The following PCYOX1 variants were observed in gnomAD, a reference collection of about 807,000 sequenced individuals.
PCYOX1 encodes the protein prenylcysteine lyase.
In PCYOX1, 46 loss-of-function variants were observed where a neutral mutation model predicts 46.4. The observed-to-expected ratio is 0.99, with a 90% confidence interval of 0.78 to 1.27. PCYOX1 has a LOEUF of 1.27. PCYOX1 is among the 50% of genes most tolerant of loss of function. The pLI is 0.00. For missense variants in PCYOX1, 658 were observed against 628.3 expected (o/e 1.05, Z -0.51); for synonymous variants, 220 against 231.8 (o/e 0.95, Z 0.46).
rs1177038953 is a variant in PCYOX1 at position 70,280,485 on chromosome 2, C to T, written c.*3093C>T. 2.0e-5 allele frequency: 3 copies of T among 152,092 alleles called. No individual in the cohort carries two copies. The highest frequency in any genetic ancestry group is 2.9e-5 in the Non-Finnish European group (2 of 68,024). 9.4% of individuals were successfully genotyped at this position (152,092 alleles called of 1,614,324 possible). A position where few individuals can be genotyped will look rare whatever the true frequency, so the allele number is the denominator to read the frequency against. ...TTACCTTAAGGGCTTGTTAAAACAT[C>T]GCTAGGCTCCACCCTGTTTATTCAA... On this transcript the variant is annotated 3_prime_UTR_variant, in exon 6 of 6. Transcript: ENST00000433351.
chr2:70,280,839 C>T lies in PCYOX1; in HGVS notation c.*3447C>T, dbSNP rs906197981. On this transcript the variant is annotated 3_prime_UTR_variant, in exon 6 of 6. Transcript: ENST00000433351. ...GTTTGGTGTTTTACAAGAACTTTACCATACTGGTGTGTAGTCCATTCTGTA... is the reference window on the plus strand; with the variant it reads ...GTTTGGTGTTTTACAAGAACTTTACTATACTGGTGTGTAGTCCATTCTGTA... The T allele has an allele frequency of 1.2e-4, 18 of 152,106 alleles. No homozygotes were observed. Among genetic ancestry groups the T allele is most frequent in the Admixed American group, 1.0e-3 (16 of 15,260 alleles). The allele number at this position is 152,106 out of a possible 1,614,324, so 9.4% of individuals were successfully genotyped here. A position where few individuals can be genotyped will look rare whatever the true frequency, so the allele number is the denominator to read the frequency against.
rs538274722 is a variant in PCYOX1, at chr2:70,260,046, C to T, written c.319+480C>T. 1.1e-4 allele frequency among the ~76,000 whole-genome samples: 16 copies of T among 152,296 alleles called. No individual in the cohort carries two copies. In the East Asian group the frequency reaches 3.1e-3, roughly 29 times the overall value. On this transcript the variant is annotated intron_variant, in intron 2 of 5. Coordinates refer to ENST00000433351, the MANE Select transcript of PCYOX1 (RefSeq NM_016297.4). The stretch of plus-strand genomic sequence containing the variant: ...GGCCAGCTGGTCTTGAACTCCTGAC[C>T]TCAGGTGATCCGCCTGCCTTGGCCT...
intron 2 of PCYOX1, among the ~76,000 whole-genome samples, chr2:70,259,845 C>T (rs999211862): frequency 1.3e-5 from 2 of 151,922 alleles, no homozygotes; most frequent in Non-Finnish European, 1.5e-5. Flanking sequence ...TGAGGAGTTT[C>T]GCTCTTGTCG....
chr2:70,270,749 T>G (rs1362835888), intron 3 of PCYOX1, among the ~76,000 whole-genome samples: 3 of 152,208 alleles, frequency 2.0e-5, no homozygotes, highest in African/African-American at 7.2e-5. Context: ...GTATTTCTAG[T>G]CTTCTTTTCA....
At chr2:70,275,431 A>AG in intron 4 of PCYOX1, 83 bp from the exon 5 acceptor site, 2 of 1,382,912 alleles carry the variant, frequency 1.4e-6, no homozygotes, top group Non-Finnish European at 2.0e-6. Context: ...TTTGGAGTAG[A>AG]ACATGTAATT....
chr2:70,258,030 G>A (rs995019543), upstream of PCYOX1: 17 of 605,710 alleles, frequency 2.8e-5, no homozygotes, highest in African/African-American at 2.8e-4. Context: ...GCGAGGTCGG[G>A]GCGGGGCTCG....
intron 3 of PCYOX1, among the ~76,000 whole-genome samples, chr2:70,262,137 A>G (rs1176410250): frequency 1.3e-5 from 2 of 152,128 alleles, no homozygotes; most frequent in African/African-American, 2.4e-5. Context: ...GTATTTTTAA[A>G]GCTGTTGGCA....
intron 3 of PCYOX1, chr2:70,274,753 G>A (rs1046562308): frequency 1.8e-6 from 1 of 548,336 alleles, no homozygotes; most frequent in African/African-American, 1.9e-5. Context: ...TAGTAAAGCT[G>A]GGGTTTTGCC....
chr2:70,266,190 A>G (rs775474564), intron 3 of PCYOX1, among the ~76,000 whole-genome samples: 1 of 152,140 alleles, frequency 6.6e-6, no homozygotes, highest in Non-Finnish European at 1.5e-5. Flanking sequence ...ATTCTGGATT[A>G]TCTAGGTGGG....
chr2:70,278,015 T>C lies in PCYOX1; in HGVS notation c.*623T>C, dbSNP rs1161867114. 1 of 152,232 alleles carries C rather than the reference T, an allele frequency of 6.6e-6. No homozygotes were observed. 9.4% of individuals were successfully genotyped at this position (152,232 alleles called of 1,614,324 possible). ...CTGACTCTTAGTAATTTCATACCGG[T>C]TTGAAGTACGTGTGCCCATGCCTAA... On this transcript the variant is annotated 3_prime_UTR_variant, in exon 6 of 6. Transcript: ENST00000433351.
intron 3 of PCYOX1, among the ~76,000 whole-genome samples, chr2:70,264,053 C>T (rs1447985906): frequency 6.7e-6 from 1 of 149,362 alleles, no homozygotes; most frequent in Non-Finnish European, 1.5e-5. Flanking sequence ...GCCTGGACCT[C>T]CTGGGCTCAG....
At chr2:70,274,887 A>T in intron 3 of PCYOX1, 72 bp from the exon 4 acceptor site, 1 of 950,246 alleles carries the variant, frequency 1.1e-6, no homozygotes, top group Non-Finnish European at 1.7e-6. Context: ...TTATGACGCC[A>T]CTTCCCTTCT....
rs1308805440 is a variant in PCYOX1 at position 70,281,099 on chromosome 2, G to GT, written c.*3712dup. The GT allele has an allele frequency of 1.3e-5, 2 of 152,156 alleles. No homozygotes were observed. Among genetic ancestry groups the GT allele is most frequent in the East Asian group, 3.8e-4 (2 of 5,206 alleles). 9.4% of individuals were successfully genotyped at this position (152,156 alleles called of 1,614,324 possible). The stretch of plus-strand genomic sequence containing the variant: ...ACAAAGAACCATGATACACTGGAAT[G>GT]TTTTTCTCTGGAATCCTCTTTCTAC... On this transcript the variant is annotated 3_prime_UTR_variant, in exon 6 of 6. Coordinates refer to ENST00000433351, the MANE Select transcript of PCYOX1 (RefSeq NM_016297.4).
Position 70,261,228 on chromosome 2 carries a change from G to C in PCYOX1, c.336G>C (p.Gln112His). The C allele has an allele frequency of 6.2e-7, 1 of 1,611,172 alleles. No individual in the cohort carries two copies. The highest frequency in any genetic ancestry group is 2.2e-5 in the East Asian group (1 of 44,872). ...TTTTTGCAGGTCTCTCTGCTGTTCA[G>C]GCCTCTGGTGGCCTACTGGGGATAT... ...FVKDLGLSAV[Q>H]ASGGLLGIYN... The change falls in exon 3 of 6, where the codon CAG becomes CAC. Residue 112 changes from glutamine to histidine, a missense_variant. Gln to His is a conservative substitution (Grantham distance 24, BLOSUM62 0). Coordinates refer to ENST00000433351, the MANE Select transcript of PCYOX1 (RefSeq NM_016297.4).
intron 3 of PCYOX1, among the ~76,000 whole-genome samples, chr2:70,274,601 T>TG (rs1405006687): frequency 1.3e-5 from 2 of 150,406 alleles, no homozygotes; most frequent in Non-Finnish European, 3.0e-5. Context: ...TGTCACTGTC[T>TG]GGCCCAGGCT....
intron 3 of PCYOX1, among the ~76,000 whole-genome samples, chr2:70,264,426 A>G (rs1364306334): frequency 1.3e-5 from 2 of 151,768 alleles, no homozygotes; most frequent in Admixed American, 6.6e-5. Flanking sequence ...TCCTGAGTCC[A>G]AGCGATTCTC....
At chr2:70,268,588 G>T (rs1404320709) in intron 3 of PCYOX1, among the ~76,000 whole-genome samples, 17 of 151,946 alleles carry the variant, frequency 1.1e-4, no homozygotes, top group Admixed American at 1.0e-3. Flanking sequence ...ACCTGAGGTT[G>T]GGAGTTCGAG....
intron 3 of PCYOX1, among the ~76,000 whole-genome samples, chr2:70,274,565 T>C (rs961144499): frequency 2.0e-5 from 3 of 149,634 alleles, no homozygotes; most frequent in African/African-American, 7.3e-5. Flanking sequence ...TCTTTTTTTT[T>C]TTCTTTTTTT....
rs1043093260 is a variant in PCYOX1, at chr2:70,278,042, G to A, written c.*650G>A. 1 of 152,158 alleles carries A rather than the reference G, an allele frequency of 6.6e-6. No homozygotes were observed. The highest frequency in any genetic ancestry group is 1.5e-5 in the Non-Finnish European group (1 of 68,032). The allele number at this position is 152,158 out of a possible 1,614,324, so 9.4% of individuals were successfully genotyped here. A position where few individuals can be genotyped will look rare whatever the true frequency, so the allele number is the denominator to read the frequency against. On this transcript the variant is annotated 3_prime_UTR_variant, in exon 6 of 6. Transcript: ENST00000433351. ...TGAAGTACGTGTGCCCATGCCTAAA[G>A]CCTTGACTTTCAGAATGTTGTCTTT...
Sources: gnomAD v4.1 joint callset for allele counts (sites outside exome capture counted in the v4.1 genomes callset) on GRCh38, gnomAD v4.1.1 for gene constraint, MANE v1.5 for transcripts, NCBI Gene and HGNC (gene_info 2026-07-23, HGNC 2026-07-21) for gene names.